ANKRD30B: variants seen among roughly 807,000 people sequenced by gnomAD.
ANKRD30B encodes ankyrin repeat domain 30B.
Under a neutral mutation model 202.2 loss-of-function variants are expected in ANKRD30B, and 144 were observed. That is an observed-to-expected ratio of 0.71 (90% confidence interval 0.62 to 0.82). ANKRD30B has a LOEUF of 0.82. Ranked by LOEUF, ANKRD30B falls within the 40% of genes least tolerant of loss-of-function variation. The pLI, the probability that ANKRD30B is intolerant of heterozygous loss-of-function variation, is 0.00. For synonymous variants in ANKRD30B, 508 were observed against 561.3 expected, an observed-to-expected ratio of 0.91 and a Z score of 1.34; for missense variants, 1,487 against 1,669.1, an observed-to-expected ratio of 0.89 and a Z score of 1.90.
At chr18:14,817,989 A>G (rs1462087275) in intron 30 of ANKRD30B, among the ~76,000 whole-genome samples, 1 of 152,164 alleles carries the variant, frequency 6.6e-6, no homozygotes, top group African/African-American at 2.4e-5. Context: ...TTGATCAATC[A>G]TCTCTGAAGG....
chr18:14,781,288 CTTTTTTTT>C (rs892666549), intron 11 of ANKRD30B, among the ~76,000 whole-genome samples: 10 of 85,672 alleles, frequency 1.2e-4, no homozygotes, highest in Admixed American at 3.3e-4. Context: ...TCTGAGTATT[CTTTTTTTT>C]TTTTTTTTTT....
At chr18:14,835,028 A>T (rs1487963427) in intron 34 of ANKRD30B, among the ~76,000 whole-genome samples, 1 of 151,920 alleles carries the variant, frequency 6.6e-6, no homozygotes, top group Non-Finnish European at 1.5e-5. Flanking sequence ...TTATTTAACT[A>T]ATTTATCTTA....
At chr18:14,809,118 C>T (rs1459138902) in intron 26 of ANKRD30B, among the ~76,000 whole-genome samples, 1 of 112,752 alleles carries the variant, frequency 8.9e-6, no homozygotes, top group African/African-American at 3.6e-5. Context: ...GATATACCCG[C>T]ATTTACTATT....
At chr18:14,894,064 A>G in the ANKRD30B span, among the ~76,000 whole-genome samples, 1 of 152,184 alleles carries the variant, frequency 6.6e-6, no homozygotes, top group African/African-American at 2.4e-5. Context: ...ATTGTCAACA[A>G]TAGCATAAAT....
Position 14,760,586 on chromosome 18 carries a change from A to G in ANKRD30B, c.788A>G (p.Lys263Arg). The G allele has an allele frequency of 6.5e-7, 1 of 1,532,974 alleles. No individual in the cohort carries two copies. 95.0% of individuals were successfully genotyped at this position (1,532,974 alleles called of 1,614,324 possible). A position where few individuals can be genotyped will look rare whatever the true frequency, so the allele number is the denominator to read the frequency against. ...CAACAACTTTTGGAACATATACGAA[A>G]ATTACCTAAAAATCCTCAAAATACC... Reference protein sequence around the residue: ...IHQQLLEHIRKLPKNPQNTNP... With the variant: ...IHQQLLEHIRRLPKNPQNTNP... Residue 263 changes from lysine to arginine, a missense_variant, in exon 6 of 44, where the codon AAA becomes AGA. This residue lies in a region of ANKRD30B where 889 missense variants were observed against 841.4 expected (regional missense o/e 1.06). Transcript: ENST00000690538.
chr18:14,834,724 T>C (rs1405780391), intron 34 of ANKRD30B, among the ~76,000 whole-genome samples: 2 of 151,966 alleles, frequency 1.3e-5, no homozygotes, highest in Non-Finnish European at 2.9e-5. Flanking sequence ...TTAAGGTGAT[T>C]AATATCTCAA....
intron 4 of ANKRD30B, among the ~76,000 whole-genome samples, chr18:14,757,383 T>C (rs1914536450): frequency 6.6e-6 from 1 of 152,236 alleles, no homozygotes; most frequent in Admixed American, 6.5e-5. Context: ...GTCTCATACA[T>C]TCTTATCAAC....
the ANKRD30B span, among the ~76,000 whole-genome samples, chr18:14,871,551 G>A: frequency 6.6e-6 from 1 of 151,578 alleles, no homozygotes; most frequent in African/African-American, 2.4e-5. Flanking sequence ...TTGCCCTGTT[G>A]CATTGGTCCT....
chr18:14,830,448 T>C (rs527858877), intron 33 of ANKRD30B, among the ~76,000 whole-genome samples: 48 of 152,242 alleles, frequency 3.2e-4, no homozygotes, highest in African/African-American at 1.0e-3. Flanking sequence ...ATAACAAATA[T>C]AGATTTGTAT....
Position 14,784,513 on chromosome 18 carries a change from G to A in ANKRD30B, c.1650G>A (p.Lys550=), listed in dbSNP as rs766591705. ...TTCCAAATAAAGCCTTTGAATTGAAGAATGAACAAACATTGAGAGCAGGTA... is the reference window on the plus strand; with the variant it reads ...TTCCAAATAAAGCCTTTGAATTGAAAAATGAACAAACATTGAGAGCAGGTA... ...KTVPNKAFEL[K]NEQTLRAAQM... is the part of the protein sequence containing the mutation. Residue 550 remains lysine (K), a synonymous_variant, in exon 14 of 44, where the codon AAG becomes AAA. Coordinates refer to ENST00000690538, the MANE Select transcript of ANKRD30B (RefSeq NM_001367607.2). 2 of 1,612,900 alleles carry A rather than the reference G, an allele frequency of 1.2e-6. No homozygotes were observed. The highest frequency in any genetic ancestry group is 1.7e-6 in the Non-Finnish European group (2 of 1,179,242).
the ANKRD30B span, among the ~76,000 whole-genome samples, chr18:14,893,298 G>C: frequency 6.6e-6 from 1 of 152,042 alleles, no homozygotes; most frequent in South Asian, 2.1e-4. Flanking sequence ...CCTTTCAATA[G>C]GCACAAATAT....
chr18:14,876,747 G>A, the ANKRD30B span, among the ~76,000 whole-genome samples: 1 of 152,230 alleles, frequency 6.6e-6, no homozygotes, highest in Admixed American at 6.5e-5. Flanking sequence ...TGTGCTAAGA[G>A]AATACACTGA....
Position 14,848,742 on chromosome 18 carries a change from G to A in ANKRD30B, c.3208G>A (p.Asp1070Asn), listed in dbSNP as rs1314869088. 7 of 1,554,080 alleles carry A rather than the reference G, an allele frequency of 4.5e-6. No homozygotes were observed. The Admixed American group carries it at 6.0e-5, about 13-fold the overall frequency. Residue 1070 changes from aspartate to asparagine, a missense_variant, in exon 40 of 44, where the codon GAT (aspartate) becomes AAT (asparagine). Physicochemically the swap from Asp to Asn is conservative, Grantham distance 23. Around this residue, in one of 6 missense-constraint regions of ANKRD30B, gnomAD observed 177 missense variants for 216.4 expected, o/e 0.82. Coordinates refer to ENST00000690538, the MANE Select transcript of ANKRD30B (RefSeq NM_001367607.2). Reference protein sequence around the residue: ...ADSTTLSKILDALPSCERGRE... With the variant: ...ADSTTLSKILNALPSCERGRE... ...TTCAACTACCCTATCAAAAATCTTG[G>A]ATGCACTTCCTTCTTGTGAAAGAGG...
intron 8 of ANKRD30B, among the ~76,000 whole-genome samples, chr18:14,769,662 C>G (rs1916790971): frequency 6.6e-6 from 1 of 152,114 alleles, no homozygotes; most frequent in Non-Finnish European, 1.5e-5. Flanking sequence ...GTCCCTAATC[C>G]CTTCTCTTCT....
chr18:14,940,410 G>A, the ANKRD30B span, among the ~76,000 whole-genome samples: 3 of 152,308 alleles, frequency 2.0e-5, no homozygotes, highest in South Asian at 4.1e-4. Flanking sequence ...TGAGTAGGGG[G>A]CAACAGAGTT....
the ANKRD30B span, among the ~76,000 whole-genome samples, chr18:14,912,035 G>A: frequency 1.3e-5 from 2 of 152,100 alleles, no homozygotes; most frequent in African/African-American, 4.8e-5. Context: ...GTCCTTTAGA[G>A]TTTTCTACAT....
At chr18:14,903,187 G>A in the ANKRD30B span, among the ~76,000 whole-genome samples, 12 of 152,272 alleles carry the variant, frequency 7.9e-5, no homozygotes, top group East Asian at 2.3e-3. Flanking sequence ...AGGGGCCAAG[G>A]CAACACTTCC....
chr18:14,866,659 C>T, the ANKRD30B span, among the ~76,000 whole-genome samples: 1 of 152,138 alleles, frequency 6.6e-6, no homozygotes, highest in Admixed American at 6.5e-5. Context: ...CTCTCTGCAG[C>T]TGCACTGCCC....
chr18:14,895,507 C>T, the ANKRD30B span, among the ~76,000 whole-genome samples: 2 of 152,168 alleles, frequency 1.3e-5, no homozygotes, highest in Non-Finnish European at 1.5e-5. Context: ...TATAATCCAG[C>T]AGTCATGCCC....
Sources: allele counts gnomAD v4.1 joint callset (sites outside exome capture counted in the v4.1 genomes callset), GRCh38; gene constraint gnomAD v4.1.1; regional missense constraint gnomAD v4.1.1; transcripts MANE v1.5; gene names NCBI Gene and HGNC (gene_info 2026-07-23, HGNC 2026-07-21).